SCAPER: variants seen among roughly 807,000 people sequenced by gnomAD.
SCAPER encodes S-phase cyclin A associated protein in the ER, also known as S phase cyclin A-associated protein in the endoplasmic reticulum.
A neutral mutation model predicts 182.2 loss-of-function variants in SCAPER; 98 were observed. The observed-to-expected ratio is 0.54, with a 90% CI of 0.46 to 0.64. SCAPER has a LOEUF of 0.64. Ranked by LOEUF, SCAPER falls within the 30% of genes least tolerant of loss-of-function variation. SCAPER has a pLI of 0.00. For synonymous variants in SCAPER, 605 were observed against 564.6 expected (o/e 1.07, Z -1.01); for missense variants, 1,432 against 1,690.0 (o/e 0.85, Z 2.68).
intron 21 of SCAPER, among the ~76,000 whole-genome samples, chr15:76,640,394 C>T (rs2054005115): frequency 1.3e-5 from 2 of 152,060 alleles, no homozygotes; most frequent in African/African-American, 4.8e-5. Context: ...CAGTAAAACG[C>T]TATTTACAAG....
chr15:76,526,077 A>G (rs2043175196), intron 23 of SCAPER, among the ~76,000 whole-genome samples: 1 of 152,122 alleles, frequency 6.6e-6, no homozygotes, highest in Non-Finnish European at 1.5e-5. Context: ...TAAAATACTC[A>G]TGTGTTTTTA....
chr15:76,815,073 T>A (rs2066956008), intron 5 of SCAPER, among the ~76,000 whole-genome samples: 1 of 151,914 alleles, frequency 6.6e-6, no homozygotes, highest in South Asian at 2.1e-4. Context: ...TCACCTCACA[T>A]CTGTTAGAAG....
At chr15:76,411,101 A>C (rs546188958) in intron 26 of SCAPER, among the ~76,000 whole-genome samples, 2 of 152,300 alleles carry the variant, frequency 1.3e-5, no homozygotes, top group Admixed American at 6.5e-5. Context: ...CTTGTTTTCT[A>C]TCCAATCCTT....
intron 27 of SCAPER, among the ~76,000 whole-genome samples, chr15:76,388,240 A>T (rs559390350): frequency 6.6e-6 from 1 of 152,340 alleles, no homozygotes; most frequent in South Asian, 2.1e-4. Context: ...AGAAGTATTT[A>T]TTTATGACCC....
intron 2 of SCAPER, among the ~76,000 whole-genome samples, chr15:76,865,675 G>A (rs943712341): frequency 6.6e-6 from 1 of 152,178 alleles, no homozygotes; most frequent in South Asian, 2.1e-4. Flanking sequence ...CAGGAAACAG[G>A]TTTCGGTACA....
At chr15:76,634,412 T>C (rs1300332647) in intron 21 of SCAPER, among the ~76,000 whole-genome samples, 3 of 152,160 alleles carry the variant, frequency 2.0e-5, no homozygotes, top group Non-Finnish European at 4.4e-5. Context: ...TGGAGCTGTT[T>C]CTATTCAGCC....
At chr15:76,897,478 G>A (rs1398633398) in intron 1 of SCAPER, among the ~76,000 whole-genome samples, 1 of 152,112 alleles carries the variant, frequency 6.6e-6, no homozygotes, top group Non-Finnish European at 1.5e-5. Context: ...GGCTGAGGCG[G>A]AGAGATTGCC....
chr15:76,763,157 A>C (rs1298229819), intron 14 of SCAPER, among the ~76,000 whole-genome samples: 1 of 152,170 alleles, frequency 6.6e-6, no homozygotes, highest in Non-Finnish European at 1.5e-5. Flanking sequence ...TAGTGATGAC[A>C]AACTCCCTCA....
chr15:76,560,552 G>C (rs1422700287), intron 23 of SCAPER, among the ~76,000 whole-genome samples: 1 of 152,142 alleles, frequency 6.6e-6, no homozygotes, highest in Non-Finnish European at 1.5e-5. Context: ...TAACAAAACA[G>C]TAAGTTCTAG....
At chr15:76,533,123 A>G (rs1045644513) in intron 23 of SCAPER, among the ~76,000 whole-genome samples, 7 of 152,198 alleles carry the variant, frequency 4.6e-5, no homozygotes, top group Non-Finnish European at 1.0e-4. Context: ...AAGACTTCCT[A>G]AAGGTAGAGA....
intron 5 of SCAPER, among the ~76,000 whole-genome samples, chr15:76,806,479 C>G (rs1021703227): frequency 2.0e-5 from 3 of 152,138 alleles, no homozygotes; most frequent in African/African-American, 7.2e-5. Context: ...GGTCTAGGTC[C>G]TCAAACGTTG....
intron 17 of SCAPER, among the ~76,000 whole-genome samples, chr15:76,725,152 A>G (rs1391908893): frequency 6.6e-6 from 1 of 152,174 alleles, no homozygotes; most frequent in Non-Finnish European, 1.5e-5. Context: ...TTATAATTGT[A>G]TAACAGGATA....
chr15:76,531,240 T>C (rs147637426), intron 23 of SCAPER, among the ~76,000 whole-genome samples: 2 of 152,302 alleles, frequency 1.3e-5, no homozygotes, highest in Non-Finnish European at 2.9e-5. Context: ...TACAAGCATC[T>C]ACTAAAGCTG....
At chr15:76,630,104 GA>G (rs533807290) in intron 21 of SCAPER, among the ~76,000 whole-genome samples, 49 of 152,176 alleles carry the variant, frequency 3.2e-4, no homozygotes, top group African/African-American at 1.1e-3. Flanking sequence ...TAGTACTGTG[GA>G]AACACAGTAT....
chr15:76,903,186 C>G (rs1439670213), intron 1 of SCAPER, among the ~76,000 whole-genome samples: 2 of 152,122 alleles, frequency 1.3e-5, no homozygotes, highest in African/African-American at 4.8e-5. Context: ...TTTAGGAGTT[C>G]TTAAAATACC....
chr15:76,441,428 A>G (rs1021337194), intron 25 of SCAPER, among the ~76,000 whole-genome samples: 1 of 152,196 alleles, frequency 6.6e-6, no homozygotes, highest in Non-Finnish European at 1.5e-5. Context: ...TTCGTTATAC[A>G]TGTTGAATCA....
chr15:76,636,753 CT>C (rs2053636064), intron 21 of SCAPER, among the ~76,000 whole-genome samples: 1 of 152,118 alleles, frequency 6.6e-6, no homozygotes, highest in Admixed American at 6.6e-5. Context: ...GTTAAATTTA[CT>C]TGATTAAGCA....
intron 23 of SCAPER, among the ~76,000 whole-genome samples, chr15:76,564,776 A>T (rs917775643): frequency 6.6e-6 from 1 of 152,258 alleles, no homozygotes; most frequent in Non-Finnish European, 1.5e-5. Flanking sequence ...ACTATATTAC[A>T]GGGCTACGAT....
At chr15:76,608,400 G>A (rs904581877) in intron 22 of SCAPER, among the ~76,000 whole-genome samples, 8 of 151,998 alleles carry the variant, frequency 5.3e-5, no homozygotes, top group Admixed American at 1.3e-4. Context: ...AGGAGTACCC[G>A]GTCGTGTAAG....
Sources: gnomAD v4.1 joint callset for allele counts (sites outside exome capture counted in the v4.1 genomes callset) on GRCh38, gnomAD v4.1.1 for gene constraint, MANE v1.5 for transcripts, NCBI Gene and HGNC (gene_info 2026-07-23, HGNC 2026-07-21) for gene names.